NRG3: variants seen among roughly 807,000 people sequenced by gnomAD.
The protein encoded by NRG3 is pro-neuregulin-3, membrane-bound isoform.
A neutral mutation model predicts 66.9 loss-of-function variants in NRG3; 31 were observed. The observed-to-expected ratio is 0.46, with a 90% CI of 0.35 to 0.63. The LOEUF (loss-of-function observed/expected upper bound fraction) is 0.63, where lower values mean the gene tolerates loss of function less well. Ranked by LOEUF, NRG3 falls within the 20% of genes least tolerant of loss-of-function variation. The pLI is 0.00. For synonymous variants in NRG3, 393 were observed against 359.4 expected, an observed-to-expected ratio of 1.09 and a Z score of -1.06; for missense variants, 910 against 878.9, an observed-to-expected ratio of 1.04 and a Z score of -0.45.
intron 3 of NRG3, among the ~76,000 whole-genome samples, chr10:82,789,981 A>G (rs1186319218): frequency 6.6e-6 from 1 of 152,090 alleles, no homozygotes; most frequent in African/African-American, 2.4e-5. Flanking sequence ...GGTAGAGACA[A>G]TCTTTGCTCA....
intron 4 of NRG3, among the ~76,000 whole-genome samples, chr10:82,917,483 T>G (rs1314735523): frequency 6.6e-6 from 1 of 152,198 alleles, no homozygotes; most frequent in African/African-American, 2.4e-5. Context: ...TAGAGATGGA[T>G]GGCTGATTTC....
chr10:82,815,879 A>C (rs576488744), intron 3 of NRG3, among the ~76,000 whole-genome samples: 11 of 152,308 alleles, frequency 7.2e-5, no homozygotes, highest in African/African-American at 2.6e-4. Context: ...GCCACTGTGC[A>C]CTGGCTAGGC....
chr10:82,971,373 A>G (rs952992355), intron 6 of NRG3, among the ~76,000 whole-genome samples: 8 of 152,022 alleles, frequency 5.3e-5, no homozygotes, highest in African/African-American at 1.9e-4. Flanking sequence ...CACAATTCAT[A>G]GGTAATTAAG....
intron 2 of NRG3, among the ~76,000 whole-genome samples, chr10:82,451,619 CA>C (rs2136584517): frequency 6.6e-6 from 1 of 152,156 alleles, no homozygotes; most frequent in African/African-American, 2.4e-5. Flanking sequence ...GGAAGAGCAG[CA>C]AATGTAAATA....
In NRG3 at chr10:82,188,411, G is replaced by T. The variant is rs867432430; in HGVS notation, c.824-170328G>T. On this transcript the variant is annotated intron_variant, in intron 1 of 8. Transcript: ENST00000372141. Reference sequence around the variant, plus strand: ...ACATTGGTCTAGGCAAAGATTTTTTGAGCAGTACCCCAGCATAAGCAACCA... The same window carrying T: ...ACATTGGTCTAGGCAAAGATTTTTTTAGCAGTACCCCAGCATAAGCAACCA... Among the ~76,000 whole-genome samples, 19 of 152,200 alleles carry T rather than the reference G, an allele frequency of 1.2e-4. No homozygotes were observed. The Middle Eastern group carries it at 0.01, about 82-fold the overall frequency.
At chr10:81,984,905 A>G (rs2060465712) in intron 1 of NRG3, among the ~76,000 whole-genome samples, 1 of 152,244 alleles carries the variant, frequency 6.6e-6, no homozygotes, top group African/African-American at 2.4e-5. Flanking sequence ...GAAAAGAAAC[A>G]GTGAAAAAAT....
chr10:82,799,291 G>C (rs1352944158), intron 3 of NRG3, among the ~76,000 whole-genome samples: 2 of 151,986 alleles, frequency 1.3e-5, no homozygotes, highest in African/African-American at 4.8e-5. Flanking sequence ...ACTTTGAGAG[G>C]CCAAGGCGGG....
intron 2 of NRG3, among the ~76,000 whole-genome samples, chr10:82,605,391 T>C (rs143464820): frequency 7.3e-4 from 111 of 152,176 alleles, no homozygotes; most frequent in African/African-American, 2.5e-3. Context: ...TAACAGATTT[T>C]CAAATGTTGA....
chr10:82,947,146 A>G lies in NRG3; in HGVS notation c.1055-4323A>G, dbSNP rs1036941878. Among the ~76,000 whole-genome samples, 9 of 152,128 alleles carry G rather than the reference A, an allele frequency of 5.9e-5. No individual in the cohort carries two copies. The South Asian group carries it at 8.3e-4, about 14-fold the overall frequency. Reference sequence around the variant, plus strand: ...CTCCTGTCCCCAGGTATCTACATACATGTTTTATGTTATTATAGTTTCCAT... The same window carrying G: ...CTCCTGTCCCCAGGTATCTACATACGTGTTTTATGTTATTATAGTTTCCAT... On this transcript the variant is annotated intron_variant, in intron 4 of 8. Coordinates refer to ENST00000372141, the MANE Select transcript of NRG3 (RefSeq NM_001010848.4).
intron 1 of NRG3, among the ~76,000 whole-genome samples, chr10:82,332,494 G>A (rs1802311867): frequency 6.6e-6 from 1 of 152,074 alleles, no homozygotes. Flanking sequence ...ACTGACCAGG[G>A]GAAGAAATCC....
intron 1 of NRG3, among the ~76,000 whole-genome samples, chr10:82,317,940 A>ATTT (rs112494361): frequency 0.017 from 2,408 of 145,756 alleles, 57 homozygotes; most frequent in African/African-American, 0.055. Context: ...GTGAATCTAC[A>ATTT]TTTTTTTTTT....
At chr10:82,946,211 TAAA>T (rs201328836) in intron 4 of NRG3, among the ~76,000 whole-genome samples, 1 of 129,142 alleles carries the variant, frequency 7.7e-6, no homozygotes. Context: ...ATTTGAGATT[TAAA>T]AAAAAAAAAA....
intron 2 of NRG3, among the ~76,000 whole-genome samples, chr10:82,648,151 G>C (rs1046267859): frequency 4.6e-5 from 7 of 152,072 alleles, no homozygotes; most frequent in African/African-American, 1.7e-4. Flanking sequence ...TAACGTTTAA[G>C]TCTTTAATCC....
intron 3 of NRG3, among the ~76,000 whole-genome samples, chr10:82,806,288 A>G (rs1193914358): frequency 2.0e-5 from 3 of 152,224 alleles, no homozygotes; most frequent in East Asian, 1.9e-4. Flanking sequence ...GACAATGACA[A>G]TTGAGGCCTG....
chr10:81,961,478 A>C (rs566274140), intron 1 of NRG3, among the ~76,000 whole-genome samples: 1 of 6,538 alleles, frequency 1.5e-4, no homozygotes, highest in East Asian at 4.0e-3. Context: ...TGAATAAAGG[A>C]ATTAATGAAC....
At chr10:82,511,859 A>G (rs76893424) in intron 2 of NRG3, among the ~76,000 whole-genome samples, 9 of 141,532 alleles carry the variant, frequency 6.4e-5, no homozygotes, top group Non-Finnish European at 1.1e-4. Flanking sequence ...CAGTTTAGAG[A>G]AAAAAAAAAA....
At chr10:82,011,475 C>T (rs1207392635) in intron 1 of NRG3, among the ~76,000 whole-genome samples, 4 of 152,116 alleles carry the variant, frequency 2.6e-5, no homozygotes, top group African/African-American at 9.7e-5. Flanking sequence ...CATTTGAAAA[C>T]ACAATCATGC....
intron 4 of NRG3, among the ~76,000 whole-genome samples, chr10:82,925,096 G>C (rs1418777715): frequency 2.6e-5 from 4 of 152,140 alleles, no homozygotes; most frequent in Non-Finnish European, 5.9e-5. Flanking sequence ...TGAGGGCCCT[G>C]AGACTAGGGG....
intron 1 of NRG3, among the ~76,000 whole-genome samples, chr10:82,240,402 T>G (rs531478617): frequency 6.6e-6 from 1 of 152,278 alleles, no homozygotes; most frequent in Non-Finnish European, 1.5e-5. Context: ...TATTATAGCA[T>G]TATATGATTT....
Sources: allele counts gnomAD v4.1 joint callset (sites outside exome capture counted in the v4.1 genomes callset), GRCh38; gene constraint gnomAD v4.1.1; transcripts MANE v1.5; gene names NCBI Gene and HGNC (gene_info 2026-07-23, HGNC 2026-07-21).